The following GRAMD4 variants were observed in gnomAD, a reference collection of about 807,000 sequenced individuals.
The protein encoded by GRAMD4 is GRAM domain-containing protein 4.
Under a neutral mutation model 83.9 loss-of-function variants are expected in GRAMD4, and 25 were observed. The observed-to-expected ratio is 0.30, with a 90% CI of 0.22 to 0.42. The LOEUF is 0.42. Among genes scored for constraint, GRAMD4 ranks in the 10% least tolerant of loss-of-function variants. GRAMD4 has a pLI of 1.00. For missense variants in GRAMD4, 593 were observed against 788.7 expected (o/e 0.75, Z 2.97); for synonymous variants, 336 against 320.9 (o/e 1.05, Z -0.50).
intron 8 of GRAMD4, among the ~76,000 whole-genome samples, chr22:46,664,685 G>A (rs1003720218): frequency 6.6e-6 from 1 of 152,240 alleles, no homozygotes; most frequent in Non-Finnish European, 1.5e-5. Flanking sequence ...GTCCTCGGGG[G>A]GAGCCCCCTC....
At chr22:46,595,011 G>A (rs1446096859) in intron 1 of GRAMD4, among the ~76,000 whole-genome samples, 5 of 152,124 alleles carry the variant, frequency 3.3e-5, no homozygotes, top group South Asian at 2.1e-4. Context: ...CCCAGTCACC[G>A]AGGTACCTGT....
rs1183003071 is a variant in GRAMD4 at position 46,675,650 on chromosome 22, C to T, written c.1563+98C>T. On this transcript the variant is annotated intron_variant, in intron 17 of 18. Transcript: ENST00000406902. ...CCTATAGACTTCTGCCAGCCTCTGT[C>T]AGCATCTGGGCGCCGCGGCCACGCT... The T allele has an allele frequency of 4.8e-6, 4 of 831,140 alleles. No individual in the cohort carries two copies. The East Asian group carries it at 7.3e-5, about 15-fold the overall frequency. The allele number at this position is 831,140 out of a possible 1,614,324, so 51.5% of individuals were successfully genotyped here. A position where few individuals can be genotyped will look rare whatever the true frequency, so the allele number is the denominator to read the frequency against.
rs111970174 is a variant in GRAMD4 at position 46,612,484 on chromosome 22, C to T, written c.-49-14267C>T. Among the ~76,000 whole-genome samples the T allele has an allele frequency of 5.9e-5, 9 of 152,328 alleles. 1 individual carries two copies. Among genetic ancestry groups the T allele is most frequent in the African/African-American group, 2.2e-4 (9 of 41,562 alleles). On this transcript the variant is annotated intron_variant, in intron 1 of 1. Coordinates refer to the GRAMD4 transcript ENST00000431155. ...GCGGGAGGCCTGGGGGAAGTGAGGG[C>T]ACAGTGCTTGGTCCTGAGAATAGCC... is the stretch of plus-strand genomic sequence containing the variant.
chr22:46,624,083 A>T (rs141836647), intron 1 of GRAMD4, among the ~76,000 whole-genome samples: 2 of 152,108 alleles, frequency 1.3e-5, no homozygotes, highest in Non-Finnish European at 2.9e-5. Context: ...CACCTGGCCT[A>T]GTCAAGTTGT....
downstream of GRAMD4, chr22:46,682,398 C>T: frequency 1.0e-6 from 1 of 983,954 alleles, no homozygotes; most frequent in Non-Finnish European, 1.2e-6. Flanking sequence ...ACAGAAAACC[C>T]CGAAATTCAC....
In GRAMD4 at chr22:46,587,489, G is replaced by A. The variant is rs143866444; in HGVS notation, c.-50+10199G>A. ...GTGCCCAGGTTTGTGTCTTCTGCTT[G>A]CTTTCTGTAGCCCTTCTCTTCCAAC... On this transcript the variant is annotated intron_variant, in intron 1 of 1. Transcript: ENST00000431155. Among the ~76,000 whole-genome samples, 577 of 151,614 alleles carry A rather than the reference G, an allele frequency of 3.8e-3. 3 individuals carry two copies. Among genetic ancestry groups the A allele is most frequent in the African/African-American group, 0.012 (512 of 41,312 alleles).
In GRAMD4 at chr22:46,665,350, C is replaced by T. The variant is rs375928513; in HGVS notation, c.718-265C>T. Among the ~76,000 whole-genome samples the T allele has an allele frequency of 9.2e-5, 14 of 152,344 alleles. No individual in the cohort carries two copies. The East Asian group carries it at 9.7e-4, about 11-fold the overall frequency. The stretch of plus-strand genomic sequence containing the variant: ...GAGCCACACCGGGGCAGGCAGGACC[C>T]GCATGTGGAACCAGCCGCCCTCTTC... On this transcript the variant is annotated intron_variant, in intron 8 of 18. Coordinates refer to ENST00000406902, the MANE Select transcript of GRAMD4 (RefSeq NM_015124.5).
At chr22:46,581,711 C>T (rs1253440124) in intron 1 of GRAMD4, among the ~76,000 whole-genome samples, 2 of 152,220 alleles carry the variant, frequency 1.3e-5, no homozygotes, top group Non-Finnish European at 2.9e-5. Context: ...GCATTTCACG[C>T]AGGAGGAAGC....
chr22:46,680,745 T>TCCAC (rs2082663505), downstream of GRAMD4, among the ~76,000 whole-genome samples: 2 of 51,566 alleles, frequency 3.9e-5, no homozygotes, highest in African/African-American at 1.8e-4. Flanking sequence ...CACCCACCCA[T>TCCAC]CCATCCATCC....
rs994412283 is a variant in GRAMD4, at chr22:46,678,731, G to A, written c.*1480G>A. On this transcript the variant is annotated 3_prime_UTR_variant, in exon 19 of 19. Transcript: ENST00000406902. ...CAGATGTAATTTTTATCTTTGCTCC[G>A]ATCCTCATTTGCTGGTGTGGGTGAG... The A allele has an allele frequency of 1.7e-5, 17 of 985,636 alleles. No homozygotes were observed. The highest frequency in any genetic ancestry group is 1.4e-4 in the African/African-American group (8 of 57,204). The allele number at this position is 985,636 out of a possible 1,614,324, so 61.1% of individuals were successfully genotyped here.
chr22:46,665,338 G>A (rs935568920), intron 8 of GRAMD4, among the ~76,000 whole-genome samples: 6 of 152,246 alleles, frequency 3.9e-5, no homozygotes, highest in African/African-American at 1.4e-4. Flanking sequence ...CCACACCGGG[G>A]CAGGCAGGAC....
chr22:46,677,773 C>G lies in GRAMD4; in HGVS notation c.*522C>G, dbSNP rs897623170. The G allele has an allele frequency of 2.0e-6, 2 of 986,134 alleles. No homozygotes were observed. Among genetic ancestry groups the G allele is most frequent in the Non-Finnish European group, 2.4e-6 (2 of 830,372 alleles). 61.1% of individuals were successfully genotyped at this position (986,134 alleles called of 1,614,324 possible). On this transcript the variant is annotated 3_prime_UTR_variant, in exon 19 of 19. Transcript: ENST00000406902. Reference sequence around the variant, plus strand: ...CCACCGAGAAACGGGCCTGGCGGCCCTCCTTCCTCTTACATGAGACCCTCC... The same window carrying G: ...CCACCGAGAAACGGGCCTGGCGGCCGTCCTTCCTCTTACATGAGACCCTCC...
chr22:46,658,038 G>A (rs917726631), intron 3 of GRAMD4, 149 bp from the exon 4 acceptor site: 14 of 927,140 alleles, frequency 1.5e-5, no homozygotes, highest in East Asian at 4.9e-5. Context: ...TGAGCGCCCC[G>A]CACCCTGGAG....
At chr22:46,676,763 G>A in intron 18 of GRAMD4, 95 bp downstream of exon 18, 1 of 1,163,782 alleles carries the variant, frequency 8.6e-7, no homozygotes. Context: ...GACAGCCAGA[G>A]TTTTAGTTTG....
chr22:46,630,021 T>C (rs1429106858), intron 2 of GRAMD4, among the ~76,000 whole-genome samples: 1 of 151,954 alleles, frequency 6.6e-6, no homozygotes. Context: ...CACATTTTCT[T>C]TTTCTTATTC....
At chr22:46,618,153 C>T (rs1346712283), upstream of GRAMD4, among the ~76,000 whole-genome samples, 1 of 152,142 alleles carries the variant, frequency 6.6e-6, no homozygotes, top group Non-Finnish European at 1.5e-5. This position sits in a 1 kb window ranked among gnomAD's most constrained non-coding sequence, Gnocchi z 5.8. Flanking sequence ...AAGTGTTTGT[C>T]ACTGCCCACC....
At chr22:46,597,405 T>C (rs2081271859) in intron 1 of GRAMD4, among the ~76,000 whole-genome samples, 1 of 152,232 alleles carries the variant, frequency 6.6e-6, no homozygotes, top group Admixed American at 6.5e-5. Context: ...AGGAACTTCT[T>C]TGGGTGGTAG....
intron 1 of GRAMD4, among the ~76,000 whole-genome samples, chr22:46,603,188 C>G (rs1444485967): frequency 1.4e-5 from 2 of 143,644 alleles, no homozygotes; most frequent in Non-Finnish European, 3.0e-5. Context: ...TTTAACATAA[C>G]GTATCTTCTC....
At chr22:46,647,375 C>T (rs2082086542) in intron 3 of GRAMD4, among the ~76,000 whole-genome samples, 1 of 152,202 alleles carries the variant, frequency 6.6e-6, no homozygotes, top group Non-Finnish European at 1.5e-5. Context: ...GATGTTTGGC[C>T]CTGGGATACT....
Sources: gnomAD v4.1 joint callset for allele counts (sites outside exome capture counted in the v4.1 genomes callset) on GRCh38, gnomAD v4.1.1 for gene constraint, Gnocchi (gnomAD v3.1) non-coding constraint, MANE v1.5 for transcripts, NCBI Gene and HGNC (gene_info 2026-07-23, HGNC 2026-07-21) for gene names.